FOXP2: variants seen among roughly 807,000 people sequenced by gnomAD.
FOXP2 encodes forkhead box protein P2.
FOXP2 carries 12 observed loss-of-function variants against 115.8 expected under a neutral mutation model. The ratio of observed to expected loss-of-function variants is 0.10; its 90% confidence interval spans 0.07 to 0.17. The LOEUF (loss-of-function observed/expected upper bound fraction) is 0.17. Among genes scored for constraint, FOXP2 ranks in the 10% least tolerant of loss-of-function variants. The pLI is 1.00. For synonymous variants in FOXP2, 328 were observed against 297.7 expected (o/e 1.10, Z -1.05); for missense variants, 629 against 843.5 (o/e 0.75, Z 3.15).
intron 2 of FOXP2, among the ~76,000 whole-genome samples, chr7:114,321,185 T>TTATTTATTTATTTA (rs1235117661): frequency 7.4e-5 from 11 of 149,488 alleles, no homozygotes; most frequent in Non-Finnish European, 1.3e-4. Context: ...CTTTATTTAT[T>TTATTTATTTATTTA]TATTTATTTA....
intron 3 of FOXP2, among the ~76,000 whole-genome samples, chr7:114,569,773 A>G (rs550283418): frequency 6.6e-6 from 1 of 152,094 alleles, no homozygotes; most frequent in South Asian, 2.1e-4. Flanking sequence ...AGAAAATGGC[A>G]TGTAGTCATG....
intron 3 of FOXP2, among the ~76,000 whole-genome samples, chr7:114,605,351 A>C (rs564653900): frequency 6.6e-5 from 10 of 152,362 alleles, no homozygotes; most frequent in African/African-American, 2.4e-4. Context: ...AACAGTATTT[A>C]CATATTATAG....
intron 2 of FOXP2, among the ~76,000 whole-genome samples, chr7:114,441,670 C>T (rs1281690651): frequency 6.6e-6 from 1 of 152,090 alleles, no homozygotes; most frequent in African/African-American, 2.4e-5. Context: ...ACTATTGAGA[C>T]AACCCAATTT....
intron 16 of FOXP2, chr7:114,666,427 A>G (rs951049504): frequency 3.9e-5 from 6 of 152,102 alleles, no homozygotes; most frequent in Admixed American, 6.6e-5. Flanking sequence ...AGTATTCTCT[A>G]TCTTCACCTT....
At chr7:114,291,303 C>A (rs1796582869) in intron 2 of FOXP2, among the ~76,000 whole-genome samples, 2 of 152,222 alleles carry the variant, frequency 1.3e-5, no homozygotes, top group South Asian at 4.1e-4. Flanking sequence ...TAATCACATT[C>A]ATGAGGGCTC....
chr7:114,389,043 A>T (rs1444034490), intron 2 of FOXP2, among the ~76,000 whole-genome samples: 3 of 152,222 alleles, frequency 2.0e-5, no homozygotes, highest in East Asian at 3.9e-4. Context: ...TGGACTGCAA[A>T]TTTGGCTTAA....
At chr7:114,215,558 A>C (rs1029201389) in intron 1 of FOXP2, among the ~76,000 whole-genome samples, 2 of 152,146 alleles carry the variant, frequency 1.3e-5, no homozygotes, top group African/African-American at 4.8e-5. Flanking sequence ...TTATAGTCTG[A>C]AATCCATGAT....
chr7:114,667,804 A>C (rs1807252047), intron 16 of FOXP2: 1 of 152,192 alleles, frequency 6.6e-6, no homozygotes, highest in Non-Finnish European at 1.5e-5. Context: ...AAGTGTACTG[A>C]ATGAACCATG....
chr7:114,326,394 G>A (rs1405243482), intron 2 of FOXP2, among the ~76,000 whole-genome samples: 2 of 152,050 alleles, frequency 1.3e-5, no homozygotes, highest in East Asian at 3.9e-4. Flanking sequence ...CCTACTCATG[G>A]GAATGGGTTT....
intron 1 of FOXP2, among the ~76,000 whole-genome samples, chr7:114,423,108 A>G (rs1315552730): frequency 4.0e-5 from 6 of 151,730 alleles, no homozygotes; most frequent in African/African-American, 1.4e-4. Flanking sequence ...TTAATGCTGG[A>G]TTATAGCAAT....
At chr7:114,344,461 T>G (rs1791291936) in intron 2 of FOXP2, among the ~76,000 whole-genome samples, 1 of 151,858 alleles carries the variant, frequency 6.6e-6, no homozygotes, top group East Asian at 1.9e-4. Context: ...ACACGTTTAC[T>G]CTTCATCTGA....
At chr7:114,656,937 A>T (rs1806623854) in intron 10 of FOXP2, among the ~76,000 whole-genome samples, 1 of 152,226 alleles carries the variant, frequency 6.6e-6, no homozygotes, top group South Asian at 2.1e-4. Flanking sequence ...GTGTTACTAA[A>T]TTATAAACAA....
intron 1 of FOXP2, among the ~76,000 whole-genome samples, chr7:114,231,476 G>T (rs534920565): frequency 6.6e-6 from 1 of 152,210 alleles, no homozygotes; most frequent in African/African-American, 2.4e-5. Context: ...AACGTGTTGT[G>T]AATACAAAGC....
At position 114,676,075 on chromosome 7, in the gene FOXP2, A is replaced by ATT. The variant is rs11327459; in HGVS notation, c.2003+11663_2003+11664dup. ...CAGATATACACCACCAGGCCCGGCT[A>ATT]TTTTTTTTTTTTTTTTTTTTTTTTT... On this transcript the variant is annotated intron_variant, in intron 16 of 16. Transcript: ENST00000350908. Among the ~76,000 whole-genome samples the ATT allele has an allele frequency of 2.2e-3, 199 of 89,566 alleles. 1 individual carries two copies. The highest frequency in any genetic ancestry group is 0.014 in the East Asian group (35 of 2,506). The allele number at this position is 89,566 out of a possible 152,430, so 58.8% of individuals were successfully genotyped here.
intron 11 of FOXP2, among the ~76,000 whole-genome samples, 172 bp from the exon 12 acceptor site, chr7:114,659,184 C>T (rs1039362661): frequency 6.6e-6 from 1 of 152,156 alleles, no homozygotes; most frequent in Non-Finnish European, 1.5e-5. Context: ...TTGCACTTCG[C>T]GTCAGAAATG....
intron 2 of FOXP2, among the ~76,000 whole-genome samples, chr7:114,388,012 A>G (rs999072179): frequency 6.6e-6 from 1 of 152,140 alleles, no homozygotes; most frequent in Non-Finnish European, 1.5e-5. Flanking sequence ...CCAATATTAT[A>G]TCCTCATATT....
rs943324865 is a variant in FOXP2, at chr7:114,625,630, C to A, written c.259-2910C>A. ...AATGAAATGGGACAGTAACAAGAAA[C>A]GATGAGGGAGGAGAAGAGGAAATGT... On this transcript the variant is annotated intron_variant, in intron 3 of 16. Transcript: ENST00000350908. Among the ~76,000 whole-genome samples the A allele has an allele frequency of 5.3e-5, 8 of 151,426 alleles. No homozygotes were observed. The South Asian group carries it at 8.3e-4, about 16-fold the overall frequency.
At chr7:114,295,326 C>G (rs1796716335) in intron 2 of FOXP2, among the ~76,000 whole-genome samples, 1 of 152,084 alleles carries the variant, frequency 6.6e-6, no homozygotes, top group African/African-American at 2.4e-5. Flanking sequence ...AACAGTACTA[C>G]CCCACATTTC....
intron 1 of FOXP2, among the ~76,000 whole-genome samples, chr7:114,235,486 G>A (rs1262773757): frequency 1.3e-5 from 2 of 152,102 alleles, no homozygotes; most frequent in African/African-American, 4.8e-5. Flanking sequence ...GTGGCTGTTA[G>A]AATACTAAAA....
Sources: allele counts gnomAD v4.1 joint callset (sites outside exome capture counted in the v4.1 genomes callset), GRCh38; gene constraint gnomAD v4.1.1; transcripts MANE v1.5; gene names NCBI Gene and HGNC (gene_info 2026-07-23, HGNC 2026-07-21).